PCDHA7: variants seen among roughly 807,000 people sequenced by gnomAD.
The protein encoded by PCDHA7 is protocadherin alpha 7, also known as protocadherin alpha-7.
In PCDHA7, 37 loss-of-function variants were observed where a neutral mutation model predicts 57.2. The observed-to-expected ratio is 0.65, with a 90% CI of 0.50 to 0.85. The LOEUF (loss-of-function observed/expected upper bound fraction) is 0.85. PCDHA7 is among the 40% of genes least tolerant of loss of function. The pLI, the probability that PCDHA7 is intolerant of heterozygous loss-of-function variation, is 0.00. For missense variants in PCDHA7, 1,188 were observed against 1,241.8 expected (o/e 0.96, Z 0.65); for synonymous variants, 553 against 558.8 (o/e 0.99, Z 0.15).
chr5:140,871,973 T>C (rs2053419799), intron 1 of PCDHA7, among the ~76,000 whole-genome samples: 1 of 152,254 alleles, frequency 6.6e-6, no homozygotes, highest in African/African-American at 2.4e-5. Context: ...CTTCCTATGA[T>C]GTCCAGGTTG....
chr5:140,848,724 G>T, intron 1 of PCDHA7: 5 of 1,592,662 alleles, frequency 3.1e-6, no homozygotes, highest in Non-Finnish European at 4.3e-6. Context: ...CCTTCTGGAG[G>T]TAAATCTGCA....
chr5:141,006,296 C>G (rs2153987135), intron 3 of PCDHA7, among the ~76,000 whole-genome samples: 1 of 152,102 alleles, frequency 6.6e-6, no homozygotes, highest in East Asian at 1.9e-4. Context: ...ACTGCAAGCT[C>G]CACTTCCCGG....
At chr5:140,875,978 C>T (rs534648937) in intron 1 of PCDHA7, 2 of 1,613,976 alleles carry the variant, frequency 1.2e-6, no homozygotes, top group East Asian at 4.5e-5. Flanking sequence ...TCTCTTTTGA[C>T]CTATGCGTTA....
At chr5:140,840,692 G>A (rs181650579) in intron 1 of PCDHA7, among the ~76,000 whole-genome samples, 1 of 151,924 alleles carries the variant, frequency 6.6e-6, no homozygotes, top group African/African-American at 2.4e-5. Flanking sequence ...TAAATAAAAC[G>A]GTTCAGGCAA....
rs1554136289 is a variant in PCDHA7 at position 140,836,741 on chromosome 5, G to A, written c.2355+3G>A. 13 of 1,600,528 alleles carry A rather than the reference G, an allele frequency of 8.1e-6. No homozygotes were observed. Among genetic ancestry groups the A allele is most frequent in the South Asian group, 5.6e-5 (5 of 89,070 alleles). ...AGGGTCCATCCTCTACAGACAATGTGAGTCATAAATAATCTTGTTTCCAAC... is the reference window on the plus strand; with the variant it reads ...AGGGTCCATCCTCTACAGACAATGTAAGTCATAAATAATCTTGTTTCCAAC... On this transcript the variant is annotated splice_donor_region_variant and intron_variant, in intron 1 of 3. Transcript: ENST00000525929.
chr5:140,880,689 T>C lies in PCDHA7; in HGVS notation c.2355+43951T>C, dbSNP rs957358698. 1.2e-4 allele frequency among the ~76,000 whole-genome samples: 18 copies of C among 152,326 alleles called. No homozygotes were observed. In the South Asian group the frequency reaches 3.7e-3, roughly 32 times the overall value. Reference sequence around the variant, plus strand: ...AGAGTAAATTTGAAGAGAATAGTCATGGTTAAGTGACAATGTTGAGCAGCT... The same window carrying C: ...AGAGTAAATTTGAAGAGAATAGTCACGGTTAAGTGACAATGTTGAGCAGCT... On this transcript the variant is annotated intron_variant, in intron 1 of 3. Transcript: ENST00000525929.
chr5:140,906,316 A>G (rs191261196), intron 1 of PCDHA7, among the ~76,000 whole-genome samples: 377 of 152,344 alleles, frequency 2.5e-3, no homozygotes, highest in African/African-American at 8.6e-3. Flanking sequence ...TATTCCCAAC[A>G]TGATACAACT....
chr5:140,967,154 G>A, intron 1 of PCDHA7: 2 of 1,610,730 alleles, frequency 1.2e-6, no homozygotes, highest in Non-Finnish European at 1.7e-6. Flanking sequence ...CAACCCCGTG[G>A]CGGTGAGCGC....
At chr5:140,929,417 T>C in intron 1 of PCDHA7, 2 of 1,503,568 alleles carry the variant, frequency 1.3e-6, no homozygotes, top group Non-Finnish European at 1.8e-6. Context: ...TTTCACAACA[T>C]TTCATCAATT....
At chr5:140,988,519 T>C (rs187868159) in intron 3 of PCDHA7, among the ~76,000 whole-genome samples, 69 of 152,324 alleles carry the variant, frequency 4.5e-4, no homozygotes, top group African/African-American at 1.5e-3. Context: ...TACTTAAGTC[T>C]CTGCTGGCTC....
At chr5:140,983,481 T>A (rs782574681) in intron 3 of PCDHA7, among the ~76,000 whole-genome samples, 2 of 152,226 alleles carry the variant, frequency 1.3e-5, no homozygotes, top group Non-Finnish European at 2.9e-5. Context: ...TAATAGTAGT[T>A]ACTAATTATT....
In PCDHA7 at chr5:140,883,441, G is replaced by A. The variant is rs782063932; in HGVS notation, c.2355+46703G>A. 3.1e-6 allele frequency: 5 copies of A among 1,614,130 alleles called. No homozygotes were observed. In the African/African-American group the frequency reaches 4.0e-5, roughly 13 times the overall value. Reference sequence around the variant, plus strand: ...GACAGGTCACCTGCACCTTGACGCCGCATGTCCCCTTCAAGCTGGTGTCCA... The same window carrying A: ...GACAGGTCACCTGCACCTTGACGCCACATGTCCCCTTCAAGCTGGTGTCCA... On this transcript the variant is annotated intron_variant, in intron 1 of 3. Transcript: ENST00000525929.
rs2150351099 is a variant in PCDHA7 at position 140,843,050 on chromosome 5, G to C, written c.2355+6312G>C. ...TCGGGTGGGTGGCACTGGTGGCGCA[G>C]CGAGCAAGCTGGTGCCGCGGTCTGT... On this transcript the variant is annotated intron_variant, in intron 1 of 3. Coordinates refer to ENST00000525929, the MANE Select transcript of PCDHA7 (RefSeq NM_018910.3). 4 of 1,595,142 alleles carry C rather than the reference G, an allele frequency of 2.5e-6. 1 individual carries two copies. The highest frequency in any genetic ancestry group is 3.4e-6 in the Non-Finnish European group (4 of 1,165,280).
rs187844001 is a variant in PCDHA7 at position 140,981,487 on chromosome 5, T to C, written c.2415-988T>C. On this transcript the variant is annotated intron_variant, in intron 2 of 3. Coordinates refer to ENST00000525929, the MANE Select transcript of PCDHA7 (RefSeq NM_018910.3). ...TACTTGGGAGGCTGAGGCAGGAGAA[T>C]TGCTTGAACCTGGGAGGCAGAGGTT... Among the ~76,000 whole-genome samples the C allele has an allele frequency of 5.5e-3, 843 of 152,250 alleles. 8 individuals carry two copies. Among genetic ancestry groups the C allele is most frequent in the African/African-American group, 0.019 (806 of 41,542 alleles).
intron 1 of PCDHA7, chr5:140,870,277 G>A: frequency 6.2e-7 from 1 of 1,614,168 alleles, no homozygotes; most frequent in Non-Finnish European, 8.5e-7. Context: ...GACGCCCCAC[G>A]TTCCCTTCAA....
chr5:140,922,765 A>T (rs1346337086), intron 1 of PCDHA7, among the ~76,000 whole-genome samples: 1 of 152,258 alleles, frequency 6.6e-6, no homozygotes, highest in Non-Finnish European at 1.5e-5. Flanking sequence ...TAAAGAATTT[A>T]AAAGAACTGG....
chr5:141,004,608 T>A (rs2153981502), intron 3 of PCDHA7, among the ~76,000 whole-genome samples: 1 of 152,348 alleles, frequency 6.6e-6, no homozygotes, highest in African/African-American at 2.4e-5. Flanking sequence ...TTAGGCCTCA[T>A]GCAGAGTCCT....
chr5:140,887,446 C>T (rs554116341), intron 1 of PCDHA7, among the ~76,000 whole-genome samples: 1 of 152,170 alleles, frequency 6.6e-6, no homozygotes, highest in East Asian at 1.9e-4. Flanking sequence ...GCATAGTTGA[C>T]AGTTTTTTAA....
chr5:140,836,178 G>T lies in PCDHA7; in HGVS notation c.1795G>T (p.Ala599Ser), dbSNP rs2150254808. ...GGTGGCGAAGGTACGTGCAGTTGAC[G>T]CTGACTCAGGCTACAACGCGTGGCT... ...HVVAKVRAVD[A>S]DSGYNAWLSY... Residue 599 changes from alanine to serine, a missense_variant, in exon 1 of 4, where the codon GCT (alanine) becomes TCT (serine). Around this residue, in one of 3 missense-constraint regions of PCDHA7, gnomAD observed 892 missense variants for 788.5 expected, o/e 1.13. Coordinates refer to ENST00000525929, the MANE Select transcript of PCDHA7 (RefSeq NM_018910.3). 2 of 1,613,826 alleles carry T rather than the reference G, an allele frequency of 1.2e-6. No individual in the cohort carries two copies. Among genetic ancestry groups the T allele is most frequent in the Non-Finnish European group, 1.7e-6 (2 of 1,179,806 alleles).
Sources: gnomAD v4.1 joint callset for allele counts (sites outside exome capture counted in the v4.1 genomes callset) on GRCh38, gnomAD v4.1.1 for gene constraint, gnomAD v4.1.1 regional missense constraint, MANE v1.5 for transcripts, NCBI Gene and HGNC (gene_info 2026-07-23, HGNC 2026-07-21) for gene names.